The following ADPRHL1 variants were observed in gnomAD, a reference collection of about 807,000 sequenced individuals.
ADPRHL1 encodes inactive ADP-ribosyltransferase ARH2.
ADPRHL1 carries 43 observed loss-of-function variants against 44.1 expected under a neutral mutation model. That is an observed-to-expected ratio of 0.98 (90% confidence interval 0.76 to 1.26). The LOEUF is 1.26. Ranked by LOEUF, ADPRHL1 falls within the 50% of genes most tolerant of loss-of-function variation. The probability of loss-of-function intolerance (pLI) is 0.00; values close to 1 mark genes in which losing one functional copy is unlikely to be tolerated. For synonymous variants in ADPRHL1, 878 were observed against 1,017.4 expected (o/e 0.86, Z 2.61); for missense variants, 2,022 against 2,496.9 (o/e 0.81, Z 4.05).
chr13:113,418,673 C>T (rs372840206), intron 7 of ADPRHL1, among the ~76,000 whole-genome samples: 165 of 152,210 alleles, frequency 1.1e-3, no homozygotes, highest in African/African-American at 3.8e-3. Flanking sequence ...TTCTCAGCCA[C>T]GATTGGAACT....
intron 1 of ADPRHL1, among the ~76,000 whole-genome samples, chr13:113,448,329 A>T (rs1486907869): frequency 5.3e-5 from 8 of 151,826 alleles, no homozygotes; most frequent in Admixed American, 5.3e-4. Flanking sequence ...CCCCGTCTCT[A>T]CTAAAAATAC....
At chr13:113,430,957 A>G (rs1015397370) in intron 3 of ADPRHL1, among the ~76,000 whole-genome samples, 3 of 152,136 alleles carry the variant, frequency 2.0e-5, no homozygotes, top group African/African-American at 7.2e-5. Flanking sequence ...TCCTCACGAG[A>G]GCCTGTGAAG....
In ADPRHL1 at chr13:113,441,098, A is replaced by G. The variant is rs2044095092; in HGVS notation, c.379+3327T>C. 6.6e-6 allele frequency among the ~76,000 whole-genome samples: 1 copy of G among 152,150 alleles called. No individual in the cohort carries two copies. Among genetic ancestry groups the G allele is most frequent in the African/African-American group, 2.4e-5 (1 of 41,422 alleles). ...AACCCGGGAAGTAGAGGTTGCAGTG[A>G]GCCAAAATTGCGCCACTGCACTCCA... is the stretch of plus-strand genomic sequence containing the variant. On this transcript the variant is annotated intron_variant, in intron 2 of 7. Coordinates refer to ENST00000612156, the MANE Select transcript of ADPRHL1 (RefSeq NM_001394807.1). The surrounding 1 kb of genome is among the most constrained non-coding windows in gnomAD (Gnocchi z 6.0).
chr13:113,444,642 GCCTC>G, intron 1 of ADPRHL1, 53 bp from the exon 2 acceptor site: 2 of 1,582,680 alleles, frequency 1.3e-6, no homozygotes, highest in Admixed American at 3.4e-5. Context: ...GTGAACTGTG[GCCTC>G]CCTCCCGCGG....
chr13:113,437,226 T>C (rs548217250), intron 2 of ADPRHL1, among the ~76,000 whole-genome samples: 1 of 148,194 alleles, frequency 6.7e-6, no homozygotes, highest in East Asian at 2.0e-4. Context: ...TGAACACAGG[T>C]GTACCCCGGG....
chr13:113,419,330 T>C (rs1258311463), intron 7 of ADPRHL1, among the ~76,000 whole-genome samples: 1 of 143,634 alleles, frequency 7.0e-6, no homozygotes, highest in East Asian at 2.1e-4. Context: ...TTGCCCAGGC[T>C]GGTCTCAAAC....
At chr13:113,447,811 A>G (rs1447111057) in intron 1 of ADPRHL1, among the ~76,000 whole-genome samples, 1 of 152,184 alleles carries the variant, frequency 6.6e-6, no homozygotes, top group African/African-American at 2.4e-5. Context: ...GGATGGGGGT[A>G]CAGCTGCGTG....
Position 113,407,224 on chromosome 13 carries a change from C to T in ADPRHL1, c.2058G>A (p.Ser686=), listed in dbSNP as rs748104806. 16 of 1,232,050 alleles carry T rather than the reference C, an allele frequency of 1.3e-5. No individual in the cohort carries two copies. The highest frequency in any genetic ancestry group is 3.2e-5 in the East Asian group (1 of 31,714). The allele number at this position is 1,232,050 out of a possible 1,614,324, so 76.3% of individuals were successfully genotyped here. The change falls in exon 8 of 8, where the codon TCG becomes TCA. Residue 686 remains serine, a synonymous_variant. Transcript: ENST00000612156. Reference sequence around the variant, plus strand: ...CCATCACCTGGGGTGTCACGGGCTTCGAGGGCCTTGGCTGTCTTTGGGGCT... The same window carrying T: ...CCATCACCTGGGGTGTCACGGGCTTTGAGGGCCTTGGCTGTCTTTGGGGCT... The part of the protein sequence containing the change: ...EEEPQRQPRP[S]KPVTPQVMAQ...
intron 1 of ADPRHL1, among the ~76,000 whole-genome samples, chr13:113,451,758 A>T (rs557671845): frequency 6.6e-6 from 1 of 152,304 alleles, no homozygotes; most frequent in Non-Finnish European, 1.5e-5. Flanking sequence ...CAGTGAGCTG[A>T]GATCACGCCA....
intron 2 of ADPRHL1, among the ~76,000 whole-genome samples, chr13:113,434,857 T>C (rs1390243601): frequency 2.7e-5 from 2 of 74,084 alleles, no homozygotes; most frequent in African/African-American, 1.2e-4. Context: ...GGCACCCAGG[T>C]GTAGAGTGAA....
At chr13:113,428,869 T>C in intron 4 of ADPRHL1, 83 bp downstream of exon 4, 10 of 1,582,384 alleles carry the variant, frequency 6.3e-6, no homozygotes, top group Non-Finnish European at 7.7e-6. Context: ...CGAAAGTGCC[T>C]TGAAGTATTT....
At chr13:113,408,622 T>C (rs912054147) in intron 7 of ADPRHL1, among the ~76,000 whole-genome samples, 4 of 152,260 alleles carry the variant, frequency 2.6e-5, no homozygotes, top group African/African-American at 7.2e-5. Flanking sequence ...GTGTCTATTC[T>C]CTGTGTGGAC....
At chr13:113,428,256 A>AAAG (rs2043981150) in intron 4 of ADPRHL1, among the ~76,000 whole-genome samples, 1 of 151,866 alleles carries the variant, frequency 6.6e-6, no homozygotes, top group Non-Finnish European at 1.5e-5. Flanking sequence ...AAAAAAAAAA[A>AAAG]AAATCAAGAA....
chr13:113,437,119 C>T (rs369384387), intron 2 of ADPRHL1, among the ~76,000 whole-genome samples: 3 of 144,626 alleles, frequency 2.1e-5, no homozygotes, highest in South Asian at 2.3e-4. Context: ...GGACCCAGCA[C>T]CCACACGTAG....
rs1409811534 is a variant in ADPRHL1, at chr13:113,405,483, C to T, written c.3799G>A (p.Asp1267Asn). The change falls in exon 8 of 8, where the codon GAT (aspartate) becomes AAT (asparagine). Residue 1267 changes from aspartate to asparagine, a missense_variant. By Grantham distance (23) the Asp-to-Asn change is conservative. Around this residue, in one of 8 missense-constraint regions of ADPRHL1, gnomAD observed 1,221 missense variants for 1,517.8 expected, o/e 0.80. Transcript: ENST00000612156. ...CTCCTTGCCTGTGGCCTAGGATGAT[C>T]AGAAGCAGGAATTCCAGACTCTGTG... Reference protein sequence around the residue: ...FSTESGIPASDHPRPQARSVA... With the variant: ...FSTESGIPASNHPRPQARSVA... The T allele has an allele frequency of 7.3e-6, 9 of 1,231,824 alleles. No individual in the cohort carries two copies. The highest frequency in any genetic ancestry group is 8.1e-6 in the Non-Finnish European group (8 of 988,110). 76.3% of individuals were successfully genotyped at this position (1,231,824 alleles called of 1,614,324 possible). A position where few individuals can be genotyped will look rare whatever the true frequency, so the allele number is the denominator to read the frequency against.
intron 7 of ADPRHL1, among the ~76,000 whole-genome samples, chr13:113,412,749 G>C (rs111511756): frequency 8.1e-6 from 1 of 123,548 alleles, no homozygotes; most frequent in Non-Finnish European, 1.7e-5. Context: ...GCCCCGCGGA[G>C]CTCGGTTCAC....
chr13:113,443,737 G>C (rs555241115), intron 2 of ADPRHL1, among the ~76,000 whole-genome samples: 1 of 152,248 alleles, frequency 6.6e-6, no homozygotes, highest in South Asian at 2.1e-4. Context: ...CTGAGGTCAG[G>C]AGTTCGAGAC....
In ADPRHL1 at chr13:113,405,989, G is replaced by A; in HGVS notation, c.3293C>T (p.Ser1098Phe). Reference sequence around the variant, plus strand: ...TGGTTTGGGTGGTTCATTTAATGAGGACAGTGGGTTCTCGCGAACATCATG... The same window carrying A: ...TGGTTTGGGTGGTTCATTTAATGAGAACAGTGGGTTCTCGCGAACATCATG... ...TSHDVRENPLSSLNEPPKPGM... is the reference protein window; with the variant it reads ...TSHDVRENPLFSLNEPPKPGM... Residue 1098 changes from serine to phenylalanine, a missense_variant, in exon 8 of 8, where the codon TCC (serine) becomes TTC (phenylalanine). Around this residue, in one of 8 missense-constraint regions of ADPRHL1, gnomAD observed 1,221 missense variants for 1,517.8 expected, o/e 0.80. Coordinates refer to ENST00000612156, the MANE Select transcript of ADPRHL1 (RefSeq NM_001394807.1). The A allele has an allele frequency of 2.4e-6, 3 of 1,232,132 alleles. No individual in the cohort carries two copies. The highest frequency in any genetic ancestry group is 3.0e-6 in the Non-Finnish European group (3 of 988,042). 76.3% of individuals were successfully genotyped at this position (1,232,132 alleles called of 1,614,324 possible). A position where few individuals can be genotyped will look rare whatever the true frequency, so the allele number is the denominator to read the frequency against.
intron 6 of ADPRHL1, 51 bp downstream of exon 6, chr13:113,424,166 G>A (rs2043946084): frequency 1.2e-6 from 2 of 1,605,786 alleles, no homozygotes; most frequent in African/African-American, 1.3e-5. Context: ...GGGTGCTTCA[G>A]AAGAAGGGTG....
Sources: allele counts gnomAD v4.1 joint callset (sites outside exome capture counted in the v4.1 genomes callset), GRCh38; gene constraint gnomAD v4.1.1; regional missense constraint gnomAD v4.1.1; non-coding constraint Gnocchi (gnomAD v3.1); transcripts MANE v1.5; gene names NCBI Gene and HGNC (gene_info 2026-07-23, HGNC 2026-07-21).